The following PPP1R9A variants were observed in gnomAD, a reference collection of about 807,000 sequenced individuals.
PPP1R9A encodes the protein neurabin-1.
In PPP1R9A, 59 loss-of-function variants were observed where a neutral mutation model predicts 141.9. That is an observed-to-expected ratio of 0.42 (90% CI 0.34 to 0.52). PPP1R9A has a LOEUF of 0.52. Among genes scored for constraint, PPP1R9A ranks in the 20% least tolerant of loss-of-function variants. PPP1R9A has a pLI of 0.10. For synonymous variants in PPP1R9A, 500 were observed against 569.7 expected (o/e 0.88, Z 1.74); for missense variants, 1,444 against 1,611.9 (o/e 0.90, Z 1.78).
intron 2 of PPP1R9A, among the ~76,000 whole-genome samples, chr7:95,079,048 T>C (rs1296459112): frequency 1.3e-5 from 2 of 152,200 alleles, no homozygotes; most frequent in Non-Finnish European, 2.9e-5. Context: ...GGACATGAAG[T>C]CCTTGCCCAT....
chr7:94,983,773 C>T (rs1800436592), intron 2 of PPP1R9A, among the ~76,000 whole-genome samples: 1 of 152,178 alleles, frequency 6.6e-6, no homozygotes, highest in African/African-American at 2.4e-5. Flanking sequence ...ATGTCATCTG[C>T]AAACAGGGAC....
chr7:95,251,937 TA>T, intron 11 of PPP1R9A, 21 bp from the exon 12 acceptor site: 7 of 1,606,336 alleles, frequency 4.4e-6, no homozygotes, highest in Non-Finnish European at 5.9e-6. Context: ...TAGAGTTTTA[TA>T]AATGGATTTG....
intron 5 of PPP1R9A, among the ~76,000 whole-genome samples, chr7:95,180,079 CA>C (rs1353653079): frequency 6.6e-6 from 1 of 152,016 alleles, no homozygotes; most frequent in Non-Finnish European, 1.5e-5. Context: ...CAAGACTAAG[CA>C]AAAAGAACAA....
intron 2 of PPP1R9A, among the ~76,000 whole-genome samples, chr7:95,108,307 CTTTTTTTTT>C (rs1166103728): frequency 6.7e-4 from 40 of 59,596 alleles, no homozygotes; most frequent in African/African-American, 1.5e-3. Flanking sequence ...CGTTTCTTTT[CTTTTTTTTT>C]TTTTTTTTTT....
chr7:94,922,225 G>T (rs889237082), intron 2 of PPP1R9A, among the ~76,000 whole-genome samples: 3 of 151,652 alleles, frequency 2.0e-5, no homozygotes, highest in African/African-American at 7.3e-5. Context: ...ATTCAGAAAG[G>T]GTGTATTAGT....
At chr7:95,216,574 G>A (rs1563435321) in intron 7 of PPP1R9A, among the ~76,000 whole-genome samples, 1 of 152,086 alleles carries the variant, frequency 6.6e-6, no homozygotes, top group Non-Finnish European at 1.5e-5. Context: ...CCATTTTCAC[G>A]ATATTGATTC....
At chr7:95,172,246 A>G (rs972682899) in intron 5 of PPP1R9A, among the ~76,000 whole-genome samples, 9 of 151,708 alleles carry the variant, frequency 5.9e-5, no homozygotes, top group African/African-American at 2.4e-5. Context: ...CAGAGGCCAT[A>G]GCTAATTCAC....
At chr7:95,112,202 TCAACAACAA>T (rs200979640) in intron 3 of PPP1R9A, among the ~76,000 whole-genome samples, 1 of 151,726 alleles carries the variant, frequency 6.6e-6, no homozygotes, top group African/African-American at 2.4e-5. Context: ...ACTCAAATAC[TCAACAACAA>T]CAACAACAAA....
intron 2 of PPP1R9A, among the ~76,000 whole-genome samples, chr7:94,982,432 G>T (rs1321942934): frequency 2.6e-5 from 4 of 152,142 alleles, no homozygotes; most frequent in African/African-American, 9.7e-5. Context: ...CTACTTTACA[G>T]TCCCACCCAC....
intron 2 of PPP1R9A, among the ~76,000 whole-genome samples, chr7:95,094,121 A>G (rs140818471): frequency 3.0e-4 from 46 of 152,328 alleles, no homozygotes; most frequent in African/African-American, 8.7e-4. Context: ...CTTAGCAAAC[A>G]TATAACAAAA....
chr7:95,124,002 T>G (rs1823099974), intron 4 of PPP1R9A, among the ~76,000 whole-genome samples: 1 of 152,194 alleles, frequency 6.6e-6, no homozygotes, highest in African/African-American at 2.4e-5. Context: ...CTTTAGAGTT[T>G]TTATAATCAA....
At chr7:95,042,761 C>T (rs1809441096) in intron 2 of PPP1R9A, among the ~76,000 whole-genome samples, 1 of 152,098 alleles carries the variant, frequency 6.6e-6, no homozygotes, top group Non-Finnish European at 1.5e-5. Context: ...TGAAAGATAT[C>T]ATCAAGCTGA....
chr7:95,120,103 C>T (rs1822286412), intron 3 of PPP1R9A, among the ~76,000 whole-genome samples: 1 of 151,718 alleles, frequency 6.6e-6, no homozygotes, highest in Non-Finnish European at 1.5e-5. Flanking sequence ...ACTACAAGTG[C>T]CTGCCCCCAC....
At chr7:95,262,859 A>G (rs188037901) in intron 12 of PPP1R9A, among the ~76,000 whole-genome samples, 52 of 152,372 alleles carry the variant, frequency 3.4e-4, no homozygotes, top group Non-Finnish European at 4.7e-4. Context: ...TTAGAAGATT[A>G]GAAAATAGCA....
chr7:95,225,279 C>G (rs1049632778), intron 7 of PPP1R9A, among the ~76,000 whole-genome samples: 1 of 152,110 alleles, frequency 6.6e-6, no homozygotes, highest in Non-Finnish European at 1.5e-5. Flanking sequence ...CTAATATTAA[C>G]GGATGCTTGG....
At chr7:95,166,076 G>A (rs547448906) in intron 5 of PPP1R9A, among the ~76,000 whole-genome samples, 13 of 151,208 alleles carry the variant, frequency 8.6e-5, no homozygotes, top group Middle Eastern at 3.4e-3. Context: ...TTGAACCTGG[G>A]AGGCAGAGGT....
At chr7:95,027,207 G>A (rs1371956364) in intron 2 of PPP1R9A, among the ~76,000 whole-genome samples, 1 of 152,154 alleles carries the variant, frequency 6.6e-6, no homozygotes, top group Non-Finnish European at 1.5e-5. Context: ...CCAGGGCCCT[G>A]GTGGCATAGG....
In PPP1R9A at chr7:95,111,225, T is replaced by C. The variant is rs76270850; in HGVS notation, c.1396-34T>C. The C allele has an allele frequency of 7.2e-6, 11 of 1,524,046 alleles. No homozygotes were observed. In the African/African-American group the frequency reaches 1.3e-4, roughly 17 times the overall value. The allele number at this position is 1,524,046 out of a possible 1,614,324, so 94.4% of individuals were successfully genotyped here. The stretch of plus-strand genomic sequence containing the variant: ...GATACCTGGCAGGTTTTTTTTTTTT[T>C]CTGTATTATCATCTTGTTGGCCTCT... On this transcript the variant is annotated intron_variant, in intron 2 of 19. Transcript: ENST00000433360.
intron 2 of PPP1R9A, among the ~76,000 whole-genome samples, chr7:95,042,202 G>A (rs555436387): frequency 2.6e-5 from 4 of 152,184 alleles, no homozygotes; most frequent in African/African-American, 4.8e-5. Flanking sequence ...AAAATATTCC[G>A]TTTTCCAGGA....
Sources: allele counts gnomAD v4.1 joint callset (sites outside exome capture counted in the v4.1 genomes callset), GRCh38; gene constraint gnomAD v4.1.1; transcripts MANE v1.5; gene names NCBI Gene and HGNC (gene_info 2026-07-23, HGNC 2026-07-21).